Variants in WWC2 observed in about 807,000 individuals in gnomAD.
WWC2 encodes WW and C2 domain containing 2.
WWC2 carries 101 observed loss-of-function variants against 138.5 expected under a neutral mutation model. The observed-to-expected ratio is 0.73, with a 90% CI of 0.62 to 0.86. The LOEUF (loss-of-function observed/expected upper bound fraction) is 0.86, where lower values mean the gene tolerates loss of function less well. Among genes scored for constraint, WWC2 ranks in the 40% least tolerant of loss-of-function variants. WWC2 has a pLI of 0.00. For synonymous variants in WWC2, 558 were observed against 538.4 expected (o/e 1.04, Z -0.50); for missense variants, 1,420 against 1,419.4 (o/e 1.00, Z -0.01).
rs775869069 is a variant in WWC2, at chr4:183,315,649, C to A, written c.3513-14C>A. The A allele has an allele frequency of 1.9e-6, 3 of 1,606,928 alleles. No individual in the cohort carries two copies. Among genetic ancestry groups the A allele is most frequent in the South Asian group, 2.2e-5 (2 of 89,730 alleles). On this transcript the variant is annotated splice_polypyrimidine_tract_variant and intron_variant, in intron 22 of 22. Transcript: ENST00000403733. ...ATCATATATAAGTCAATTTATTTCT[C>A]ACCCCAACTCTAGGGAGAAGATTGC...
intron 21 of WWC2, among the ~76,000 whole-genome samples, chr4:183,305,294 T>A (rs1239275213): frequency 1.3e-5 from 2 of 151,258 alleles, no homozygotes; most frequent in African/African-American, 2.4e-5. Flanking sequence ...GTACAATGTG[T>A]TTAATAGGAA....
intron 1 of WWC2, among the ~76,000 whole-genome samples, chr4:183,189,298 G>A (rs182915076): frequency 5.3e-5 from 8 of 151,986 alleles, no homozygotes; most frequent in East Asian, 2.0e-4. Flanking sequence ...TTAGCCAGGC[G>A]TGGTGGCGGG....
chr4:183,167,231 A>C (rs986944386), intron 1 of WWC2, among the ~76,000 whole-genome samples: 3 of 152,228 alleles, frequency 2.0e-5, no homozygotes, highest in African/African-American at 7.2e-5. Flanking sequence ...GGAGTTAGAC[A>C]TACCTAGGAA....
In WWC2 at chr4:183,319,469, C is replaced by T; in HGVS notation, c.*3740C>T. On this transcript the variant is annotated 3_prime_UTR_variant, in exon 23 of 23. Coordinates refer to ENST00000403733, the MANE Select transcript of WWC2 (RefSeq NM_024949.6). ...AAGATGCATTTTCAAAAATCAAAAGCACAGTGAGATGACTAGAGCGGGACA... is the reference window on the plus strand; with the variant it reads ...AAGATGCATTTTCAAAAATCAAAAGTACAGTGAGATGACTAGAGCGGGACA... The T allele has an allele frequency of 7.5e-7, 1 of 1,337,414 alleles. No individual in the cohort carries two copies. Among genetic ancestry groups the T allele is most frequent in the Non-Finnish European group, 1.0e-6 (1 of 974,102 alleles). 82.8% of individuals were successfully genotyped at this position (1,337,414 alleles called of 1,614,324 possible).
At chr4:183,276,715 A>T (rs967127406) in intron 16 of WWC2, among the ~76,000 whole-genome samples, 2 of 151,930 alleles carry the variant, frequency 1.3e-5, no homozygotes, top group South Asian at 4.1e-4. Flanking sequence ...CTTCTGCATT[A>T]TTGTGCTTCC....
intron 21 of WWC2, among the ~76,000 whole-genome samples, chr4:183,303,060 C>CAAAAAAA (rs35439586): frequency 2.4e-5 from 2 of 82,564 alleles, no homozygotes; most frequent in Non-Finnish European, 4.6e-5. Context: ...GACTCCATCT[C>CAAAAAAA]AAAAAAAAAA....
chr4:183,163,062 A>G (rs1279822809), intron 1 of WWC2, among the ~76,000 whole-genome samples: 1 of 152,202 alleles, frequency 6.6e-6, no homozygotes, highest in African/African-American at 2.4e-5. Flanking sequence ...TTAGGGACAA[A>G]AAGAGGGTAG....
chr4:183,314,834 T>G (rs1029372143), intron 22 of WWC2, among the ~76,000 whole-genome samples: 3 of 152,206 alleles, frequency 2.0e-5, no homozygotes, highest in Non-Finnish European at 4.4e-5. Context: ...CTCGTTCCAG[T>G]GTCCATAGTG....
intron 22 of WWC2, 57 bp downstream of exon 22, chr4:183,312,525 A>G (rs1739292142): frequency 1.2e-6 from 2 of 1,606,054 alleles, no homozygotes; most frequent in Non-Finnish European, 8.5e-7. Context: ...CTGATTGTGT[A>G]GGAATTCACC....
At chr4:183,257,767 C>A (rs1051914236) in intron 9 of WWC2, among the ~76,000 whole-genome samples, 4 of 152,126 alleles carry the variant, frequency 2.6e-5, no homozygotes, top group Admixed American at 2.6e-4. Flanking sequence ...GTGCCTCTCC[C>A]CAGTGCCTTC....
intron 21 of WWC2, among the ~76,000 whole-genome samples, chr4:183,294,307 A>T (rs948286104): frequency 6.6e-6 from 1 of 152,200 alleles, no homozygotes; most frequent in Non-Finnish European, 1.5e-5. Context: ...ATACTGATGC[A>T]GTTAATGAAA....
chr4:183,255,249 G>C (rs1456867927), intron 9 of WWC2, among the ~76,000 whole-genome samples: 1 of 151,954 alleles, frequency 6.6e-6, no homozygotes, highest in Non-Finnish European at 1.5e-5. Context: ...GTCTAATTTT[G>C]CTGACCAAAC....
intron 22 of WWC2, among the ~76,000 whole-genome samples, chr4:183,314,232 C>G (rs770316283): frequency 7.2e-5 from 11 of 152,172 alleles, no homozygotes; most frequent in Non-Finnish European, 1.5e-4. Flanking sequence ...CAGGGACTAC[C>G]ACTACTTGGG....
intron 1 of WWC2, among the ~76,000 whole-genome samples, chr4:183,147,041 T>C (rs1733482232): frequency 6.6e-6 from 1 of 152,202 alleles, no homozygotes; most frequent in Non-Finnish European, 1.5e-5. Flanking sequence ...TTTGGATTTA[T>C]AGGGTTGAGC....
intron 1 of WWC2, among the ~76,000 whole-genome samples, chr4:183,149,469 A>T (rs997010032): frequency 6.6e-6 from 1 of 152,030 alleles, no homozygotes; most frequent in African/African-American, 2.4e-5. Context: ...CTGAAAATAC[A>T]AAATTAGCCA....
At chr4:183,195,386 C>G (rs1337947462) in intron 2 of WWC2, among the ~76,000 whole-genome samples, 1 of 152,134 alleles carries the variant, frequency 6.6e-6, no homozygotes, top group East Asian at 1.9e-4. Flanking sequence ...TCCTCTTAGC[C>G]TCCTTCTCAA....
intron 21 of WWC2, among the ~76,000 whole-genome samples, chr4:183,297,278 G>A (rs1738664611): frequency 6.6e-6 from 1 of 151,774 alleles, no homozygotes; most frequent in Non-Finnish European, 1.5e-5. Context: ...CAGCCTAGAG[G>A]ATTTGTGATC....
intron 1 of WWC2, among the ~76,000 whole-genome samples, chr4:183,155,586 TA>T (rs1306359911): frequency 1.9e-4 from 29 of 152,250 alleles, no homozygotes; most frequent in African/African-American, 6.3e-4. Flanking sequence ...TATAATGGTA[TA>T]GGGGTGAAAA....
intron 1 of WWC2, among the ~76,000 whole-genome samples, chr4:183,133,617 C>T (rs1043079670): frequency 6.6e-6 from 1 of 152,160 alleles, no homozygotes; most frequent in Admixed American, 6.5e-5. Flanking sequence ...CTGCCTCAGC[C>T]TCCCGAGTAA....
Sources: allele counts gnomAD v4.1 joint callset (sites outside exome capture counted in the v4.1 genomes callset), GRCh38; gene constraint gnomAD v4.1.1; transcripts MANE v1.5; gene names NCBI Gene and HGNC (gene_info 2026-07-23, HGNC 2026-07-21).